GPC5: variants seen among roughly 807,000 people sequenced by gnomAD.
GPC5 encodes the protein glypican 5.
Under a neutral mutation model 53.9 loss-of-function variants are expected in GPC5, and 47 were observed. The observed-to-expected ratio is 0.87, with a 90% CI of 0.69 to 1.11. The LOEUF is 1.11. Among genes scored for constraint, GPC5 ranks in the 50% most tolerant of loss-of-function variants. GPC5 has a pLI of 0.00. For synonymous variants in GPC5, 286 were observed against 263.3 expected (o/e 1.09, Z -0.84); for missense variants, 748 against 713.1 (o/e 1.05, Z -0.56).
chr13:92,081,583 C>T (rs1594755863), intron 6 of GPC5, among the ~76,000 whole-genome samples: 1 of 151,982 alleles, frequency 6.6e-6, no homozygotes, highest in African/African-American at 2.4e-5. Context: ...TGAGGATGGT[C>T]TGTTCAAATA....
chr13:91,697,732 C>T (rs59783182), intron 3 of GPC5, among the ~76,000 whole-genome samples: 2,567 of 151,882 alleles, frequency 0.017, 68 homozygotes, highest in African/African-American at 0.058. Context: ...TTAGTAATTA[C>T]ATTTAATATA....
At chr13:91,894,525 T>C (rs1339486030) in intron 5 of GPC5, among the ~76,000 whole-genome samples, 2 of 152,182 alleles carry the variant, frequency 1.3e-5, no homozygotes, top group Non-Finnish European at 2.9e-5. Flanking sequence ...TTGGCATGCC[T>C]TACTATTTAA....
intron 4 of GPC5, among the ~76,000 whole-genome samples, chr13:91,747,674 G>A (rs1201758336): frequency 2.0e-5 from 3 of 150,412 alleles, no homozygotes; most frequent in Non-Finnish European, 4.4e-5. Context: ...ATCTACTAAT[G>A]AGTGTGTTTT....
At chr13:92,275,513 A>G (rs1555324954) in intron 7 of GPC5, among the ~76,000 whole-genome samples, 5 of 152,194 alleles carry the variant, frequency 3.3e-5, no homozygotes. Context: ...AACTTTGTCT[A>G]AACAATAAGT....
At chr13:92,197,572 A>G (rs566045298) in intron 7 of GPC5, among the ~76,000 whole-genome samples, 40 of 152,038 alleles carry the variant, frequency 2.6e-4, no homozygotes, top group African/African-American at 9.6e-4. Flanking sequence ...ACCTCAGCTC[A>G]TGGCAGCCTC....
At chr13:91,983,345 C>A (rs59625704) in intron 6 of GPC5, among the ~76,000 whole-genome samples, 48 of 147,604 alleles carry the variant, frequency 3.3e-4, no homozygotes, top group Admixed American at 5.4e-4. Context: ...GACCCTGTCT[C>A]AAAAAAAAAA....
chr13:92,411,234 C>A (rs1461326418), intron 7 of GPC5, among the ~76,000 whole-genome samples: 1 of 152,112 alleles, frequency 6.6e-6, no homozygotes, highest in African/African-American at 2.4e-5. Flanking sequence ...CACGCCACTG[C>A]ACTCCAGCCT....
At chr13:91,917,142 A>T (rs975507021) in intron 6 of GPC5, among the ~76,000 whole-genome samples, 2 of 152,206 alleles carry the variant, frequency 1.3e-5, no homozygotes, top group Non-Finnish European at 1.5e-5. Context: ...GCAAGTAGTT[A>T]CTTCCTAGAT....
chr13:91,458,036 G>C (rs907185611), intron 2 of GPC5, among the ~76,000 whole-genome samples: 2 of 152,126 alleles, frequency 1.3e-5, no homozygotes, highest in African/African-American at 4.8e-5. Flanking sequence ...ATATAGAGCA[G>C]AGTGAGGGGG....
At chr13:92,511,380 T>C (rs1028929307) in intron 7 of GPC5, among the ~76,000 whole-genome samples, 1 of 152,216 alleles carries the variant, frequency 6.6e-6, no homozygotes, top group Non-Finnish European at 1.5e-5. Flanking sequence ...ATGTATATTT[T>C]AATTATGCTT....
intron 1 of GPC5, among the ~76,000 whole-genome samples, chr13:91,434,922 C>T (rs1379590096): frequency 6.6e-6 from 1 of 152,050 alleles, no homozygotes; most frequent in Non-Finnish European, 1.5e-5. Flanking sequence ...AAGTTGGATT[C>T]CTAGGTATTT....
chr13:92,857,805 A>C (rs1879052095), intron 7 of GPC5, among the ~76,000 whole-genome samples: 1 of 152,172 alleles, frequency 6.6e-6, no homozygotes, highest in South Asian at 2.1e-4. Context: ...GCTATTATTA[A>C]AAAGTCAAAA....
intron 7 of GPC5, among the ~76,000 whole-genome samples, chr13:92,858,987 C>T (rs1001177781): frequency 2.6e-5 from 4 of 152,126 alleles, no homozygotes. Flanking sequence ...CACCTATAAT[C>T]CCAACATTTT....
At chr13:92,308,355 C>T (rs2043124626) in intron 7 of GPC5, among the ~76,000 whole-genome samples, 1 of 152,120 alleles carries the variant, frequency 6.6e-6, no homozygotes, top group Admixed American at 6.5e-5. Context: ...GAGGTAAGGC[C>T]ATACTTAGAA....
At chr13:92,381,908 T>G (rs1193731293) in intron 7 of GPC5, among the ~76,000 whole-genome samples, 1 of 136,684 alleles carries the variant, frequency 7.3e-6, no homozygotes, top group Admixed American at 7.4e-5. Flanking sequence ...ATCATATATA[T>G]GATATATATA....
chr13:91,650,762 T>C (rs544785487), intron 2 of GPC5, among the ~76,000 whole-genome samples: 1 of 149,816 alleles, frequency 6.7e-6, no homozygotes, highest in East Asian at 2.0e-4. Flanking sequence ...TTTTTTTTTT[T>C]TTTTTTTTTT....
chr13:92,098,620 G>A (rs899234112), intron 6 of GPC5, among the ~76,000 whole-genome samples: 6 of 152,188 alleles, frequency 3.9e-5, no homozygotes, highest in African/African-American at 1.4e-4. Flanking sequence ...TGAATCTCTG[G>A]AACTTGGATA....
chr13:91,999,061 C>G (rs1369209332), intron 6 of GPC5, among the ~76,000 whole-genome samples: 2 of 152,108 alleles, frequency 1.3e-5, no homozygotes, highest in Non-Finnish European at 2.9e-5. Flanking sequence ...AATCCTTTCT[C>G]TTTAACCTGA....
intron 7 of GPC5, among the ~76,000 whole-genome samples, chr13:92,293,097 T>C (rs1163436507): frequency 6.6e-6 from 1 of 152,148 alleles, no homozygotes; most frequent in Non-Finnish European, 1.5e-5. Flanking sequence ...AATTAGGTAA[T>C]GGTGATGCCT....
Sources: gnomAD v4.1 joint callset for allele counts (sites outside exome capture counted in the v4.1 genomes callset) on GRCh38, gnomAD v4.1.1 for gene constraint, MANE v1.5 for transcripts, NCBI Gene and HGNC (gene_info 2026-07-23, HGNC 2026-07-21) for gene names.